ADARB2: variants seen among roughly 807,000 people sequenced by gnomAD.
ADARB2 encodes the protein adenosine deaminase RNA specific B2 (inactive).
ADARB2 carries 25 observed loss-of-function variants against 62.2 expected under a neutral mutation model. The observed-to-expected ratio is 0.40, with a 90% confidence interval of 0.29 to 0.56. The LOEUF is 0.56. ADARB2 is among the 20% of genes least tolerant of loss of function. ADARB2 has a pLI of 0.43. For synonymous variants in ADARB2, 572 were observed against 500.8 expected (o/e 1.14, Z -1.90); for missense variants, 1,071 against 1,077.4 (o/e 0.99, Z 0.08).
intron 3 of ADARB2, among the ~76,000 whole-genome samples, chr10:1,279,368 C>A (rs921575224): frequency 1.3e-5 from 2 of 152,130 alleles, no homozygotes; most frequent in Admixed American, 1.3e-4. Flanking sequence ...CAGGCTGGAG[C>A]GCAGTGGCGT....
At chr10:1,574,658 C>T (rs1249179848) in intron 1 of ADARB2, among the ~76,000 whole-genome samples, 2 of 152,252 alleles carry the variant, frequency 1.3e-5, no homozygotes, top group Non-Finnish European at 2.9e-5. Flanking sequence ...ATGTCTGTGT[C>T]CTAACGTCTG....
At chr10:1,621,873 T>C (rs6560746) in intron 1 of ADARB2, among the ~76,000 whole-genome samples, 152,322 of 152,324 alleles carry the variant, frequency 1, 76,160 homozygotes, top group Middle Eastern at 1. Flanking sequence ...CAAGCTCCTC[T>C]TAAAATATGT....
At chr10:1,576,381 G>A (rs1168515615) in intron 1 of ADARB2, among the ~76,000 whole-genome samples, 1 of 151,406 alleles carries the variant, frequency 6.6e-6, no homozygotes, top group Admixed American at 6.6e-5. Flanking sequence ...TCACAGGAGG[G>A]GGCTCAGAGT....
chr10:1,414,486 G>T (rs1178561993), intron 1 of ADARB2, among the ~76,000 whole-genome samples: 1 of 152,134 alleles, frequency 6.6e-6, no homozygotes, highest in Admixed American at 6.5e-5. Flanking sequence ...CTTGCTCCTT[G>T]CTCTCCCAGG....
chr10:1,279,613 G>T (rs1303101693), intron 3 of ADARB2, among the ~76,000 whole-genome samples: 2 of 152,188 alleles, frequency 1.3e-5, no homozygotes, highest in Non-Finnish European at 1.5e-5. Context: ...ACCGTTCCTG[G>T]CCTGTGGGGT....
At chr10:1,664,991 AC>A (rs1326921052) in intron 1 of ADARB2, among the ~76,000 whole-genome samples, 6 of 152,136 alleles carry the variant, frequency 3.9e-5, no homozygotes, top group Admixed American at 6.5e-5. Context: ...AACACCAGGG[AC>A]CCATGAGATT....
intron 1 of ADARB2, among the ~76,000 whole-genome samples, chr10:1,643,618 A>G (rs1029116335): frequency 2.0e-5 from 3 of 152,146 alleles, no homozygotes; most frequent in African/African-American, 7.2e-5. Flanking sequence ...GCCAGGAAGA[A>G]CTCAAGTCCT....
chr10:1,311,466 C>T (rs990111041), intron 3 of ADARB2, among the ~76,000 whole-genome samples: 1 of 152,048 alleles, frequency 6.6e-6, no homozygotes, highest in Non-Finnish European at 1.5e-5. Context: ...GTGGGTTCTT[C>T]CGGGAAATGA....
intron 1 of ADARB2, among the ~76,000 whole-genome samples, chr10:1,536,228 T>A (rs1040441951): frequency 2.0e-5 from 3 of 152,062 alleles, no homozygotes; most frequent in African/African-American, 7.2e-5. Context: ...GCCCTCACGA[T>A]TAGAAGAGAA....
chr10:1,695,707 C>T (rs1422721502), intron 1 of ADARB2, among the ~76,000 whole-genome samples: 1 of 151,774 alleles, frequency 6.6e-6, no homozygotes, highest in African/African-American at 2.4e-5. Flanking sequence ...TGCATGTATG[C>T]AAACATACAT....
rs144947779 is a variant in ADARB2, at chr10:1,645,066, A to G, written c.100+91985T>C. Among the ~76,000 whole-genome samples, 679 of 152,348 alleles carry G rather than the reference A, an allele frequency of 4.5e-3. 7 individuals are homozygous for G. Among genetic ancestry groups the G allele is most frequent in the African/African-American group, 0.015 (624 of 41,584 alleles). Reference sequence around the variant, plus strand: ...GGAATGTTATTTTGCAAAAATGCCAACGCATGGAAAACTGGTGTCAGAGAG... The same window carrying G: ...GGAATGTTATTTTGCAAAAATGCCAGCGCATGGAAAACTGGTGTCAGAGAG... On this transcript the variant is annotated intron_variant, in intron 1 of 9. Transcript: ENST00000381312.
At chr10:1,191,073 T>C (rs573638924) in intron 8 of ADARB2, among the ~76,000 whole-genome samples, 2 of 144,694 alleles carry the variant, frequency 1.4e-5, no homozygotes, top group Non-Finnish European at 3.0e-5. Context: ...CTGAGTAGAA[T>C]GGGGGTTTGC....
chr10:1,591,516 C>A (rs545692232), intron 1 of ADARB2, among the ~76,000 whole-genome samples: 1 of 152,234 alleles, frequency 6.6e-6, no homozygotes, highest in Non-Finnish European at 1.5e-5. Flanking sequence ...TCATTCTGTG[C>A]CCTTTTGGGG....
chr10:1,704,371 G>A lies in ADARB2; in HGVS notation c.100+32680C>T, dbSNP rs1224123043. 1.3e-5 allele frequency among the ~76,000 whole-genome samples: 2 copies of A among 152,228 alleles called. No homozygotes were observed. The highest frequency in any genetic ancestry group is 2.9e-5 in the Non-Finnish European group (2 of 68,040). On this transcript the variant is annotated intron_variant, in intron 1 of 9. Coordinates refer to ENST00000381312, the MANE Select transcript of ADARB2 (RefSeq NM_018702.4). The surrounding 1 kb of genome is among the most constrained non-coding windows in gnomAD (Gnocchi z 5.6). ...CTCGATGGCCCCACCTGGGGATGAT[G>A]GGAGACAGTGACAGATCATCAGGCA... is the stretch of plus-strand genomic sequence containing the variant.
chr10:1,726,112 G>C (rs1835160656), intron 1 of ADARB2, among the ~76,000 whole-genome samples: 1 of 152,216 alleles, frequency 6.6e-6, no homozygotes, highest in Non-Finnish European at 1.5e-5. Flanking sequence ...CTGCCCAACT[G>C]CTGCAGCCAA....
At chr10:1,573,845 C>T (rs1344832919) in intron 1 of ADARB2, among the ~76,000 whole-genome samples, 1 of 152,196 alleles carries the variant, frequency 6.6e-6, no homozygotes, top group Non-Finnish European at 1.5e-5. Flanking sequence ...AGTGAGCCCG[C>T]TGCAGCCAGC....
chr10:1,477,397 C>A lies in ADARB2; in HGVS notation c.101-98237G>T, dbSNP rs1169432841. Reference sequence around the variant, plus strand: ...CAGCATGACCTTATCTGCCCATGGCCCCCTCCAGCATGACCCTATACAGCT... The same window carrying A: ...CAGCATGACCTTATCTGCCCATGGCACCCTCCAGCATGACCCTATACAGCT... On this transcript the variant is annotated intron_variant, in intron 1 of 9. Transcript: ENST00000381312. This position sits in a 1 kb window ranked among gnomAD's most constrained non-coding sequence, Gnocchi z 4.5. Among the ~76,000 whole-genome samples, 1 of 152,130 alleles carries A rather than the reference C, an allele frequency of 6.6e-6. No individual in the cohort carries two copies. The highest frequency in any genetic ancestry group is 1.5e-5 in the Non-Finnish European group (1 of 68,030).
chr10:1,309,997 T>C (rs1322945822), intron 3 of ADARB2, among the ~76,000 whole-genome samples: 2 of 152,242 alleles, frequency 1.3e-5, no homozygotes, highest in Non-Finnish European at 2.9e-5. Flanking sequence ...ATTTCATCCT[T>C]TGTTTCCATG....
chr10:1,511,475 C>T (rs1055761985), intron 1 of ADARB2, among the ~76,000 whole-genome samples: 3 of 151,656 alleles, frequency 2.0e-5, no homozygotes, highest in South Asian at 2.1e-4. Context: ...GCAAAGTCAA[C>T]GAGGTAGGGA....
Sources: allele counts gnomAD v4.1 joint callset (sites outside exome capture counted in the v4.1 genomes callset), GRCh38; gene constraint gnomAD v4.1.1; non-coding constraint Gnocchi (gnomAD v3.1); transcripts MANE v1.5; gene names NCBI Gene and HGNC (gene_info 2026-07-23, HGNC 2026-07-21).